PLXDC2: variants seen among roughly 807,000 people sequenced by gnomAD.
PLXDC2 encodes the protein plexin domain-containing protein 2.
PLXDC2 carries 40 observed loss-of-function variants against 68.9 expected under a neutral mutation model. The observed-to-expected ratio is 0.58, with a 90% CI of 0.45 to 0.76. PLXDC2 has a LOEUF of 0.76. PLXDC2 is among the 30% of genes least tolerant of loss of function. The probability of loss-of-function intolerance (pLI) is 0.00; values close to 1 mark genes in which losing one functional copy is unlikely to be tolerated. For missense variants in PLXDC2, 644 were observed against 661.9 expected, an observed-to-expected ratio of 0.97 and a Z score of 0.30; for synonymous variants, 243 against 234.2, an observed-to-expected ratio of 1.04 and a Z score of -0.34.
At chr10:20,225,754 C>G (rs1486361877) in intron 12 of PLXDC2, among the ~76,000 whole-genome samples, 1 of 152,160 alleles carries the variant, frequency 6.6e-6, no homozygotes, top group Non-Finnish European at 1.5e-5. Flanking sequence ...AATTTCTACA[C>G]TCAAACTATT....
At chr10:20,167,389 A>G (rs1589662399) in intron 7 of PLXDC2, among the ~76,000 whole-genome samples, 1 of 152,162 alleles carries the variant, frequency 6.6e-6, no homozygotes, top group Non-Finnish European at 1.5e-5. Flanking sequence ...TTATACAAGT[A>G]CAGTTCTTTT....
chr10:20,043,912 C>G (rs78958039), intron 2 of PLXDC2, among the ~76,000 whole-genome samples: 2,700 of 152,050 alleles, frequency 0.018, 78 homozygotes, highest in African/African-American at 0.061. Flanking sequence ...TGGCCTTGTT[C>G]AAAGTTGCTT....
At chr10:20,132,575 A>G (rs1393127968) in intron 4 of PLXDC2, among the ~76,000 whole-genome samples, 5 of 151,762 alleles carry the variant, frequency 3.3e-5, no homozygotes, top group Admixed American at 3.3e-4. Flanking sequence ...CTTTTGATGA[A>G]TTGATATCTT....
At chr10:20,161,032 CA>C (rs1564337454) in intron 6 of PLXDC2, among the ~76,000 whole-genome samples, 6 of 152,116 alleles carry the variant, frequency 3.9e-5, no homozygotes, top group Admixed American at 2.6e-4. Flanking sequence ...TTAGGATGAG[CA>C]ATACTACCTC....
At chr10:19,925,698 G>T (rs1176839080) in intron 1 of PLXDC2, among the ~76,000 whole-genome samples, 1 of 152,182 alleles carries the variant, frequency 6.6e-6, no homozygotes, top group Admixed American at 6.5e-5. Context: ...GGACTGCTAT[G>T]GGGTGACAGA....
At chr10:20,234,857 C>A (rs559534679) in intron 12 of PLXDC2, among the ~76,000 whole-genome samples, 2 of 152,102 alleles carry the variant, frequency 1.3e-5, no homozygotes, top group Non-Finnish European at 2.9e-5. Context: ...CACTCACACA[C>A]AGGCTAAATG....
At position 19,934,026 on chromosome 10, in the gene PLXDC2, A is replaced by G. The variant is rs938346682; in HGVS notation, c.113-67749A>G. Among the ~76,000 whole-genome samples, 3 of 152,182 alleles carry G rather than the reference A, an allele frequency of 2.0e-5. No individual in the cohort carries two copies. The South Asian group carries it at 6.2e-4, about 32-fold the overall frequency. On this transcript the variant is annotated intron_variant, in intron 1 of 13. Coordinates refer to ENST00000377252, the MANE Select transcript of PLXDC2 (RefSeq NM_032812.9). ...TGTAGAATATTAAATAATAATTGCA[A>G]AGTCCTATTAATCTCTCTCATTCCT...
intron 1 of PLXDC2, among the ~76,000 whole-genome samples, chr10:19,849,935 T>C (rs1837083301): frequency 6.6e-6 from 1 of 152,202 alleles, no homozygotes; most frequent in Non-Finnish European, 1.5e-5. Flanking sequence ...GCTTCACCTG[T>C]GGTGTGGGCT....
intron 9 of PLXDC2, among the ~76,000 whole-genome samples, chr10:20,210,705 T>C (rs1327376378): frequency 2.0e-5 from 3 of 152,000 alleles, no homozygotes; most frequent in Admixed American, 6.6e-5. Context: ...AAGAGATGAG[T>C]TAAAATCAGC....
intron 9 of PLXDC2, among the ~76,000 whole-genome samples, chr10:20,193,477 G>A (rs1834795696): frequency 6.6e-6 from 1 of 152,086 alleles, no homozygotes; most frequent in African/African-American, 2.4e-5. Flanking sequence ...AAGTCAGACT[G>A]ATAGAATAGT....
chr10:19,857,825 A>G (rs1837243853), intron 1 of PLXDC2, among the ~76,000 whole-genome samples: 1 of 152,168 alleles, frequency 6.6e-6, no homozygotes, highest in Non-Finnish European at 1.5e-5. Flanking sequence ...AAGAAATCTT[A>G]TTTACCCAAT....
intron 4 of PLXDC2, among the ~76,000 whole-genome samples, chr10:20,089,169 CGTGTGTGT>C (rs34167804): frequency 0.081 from 11,555 of 142,624 alleles, 454 homozygotes; most frequent in Middle Eastern, 0.12. Flanking sequence ...CCTGTATATA[CGTGTGTGT>C]GTGTGTGTGT....
At chr10:20,160,950 C>G (rs1415170958) in intron 6 of PLXDC2, among the ~76,000 whole-genome samples, 1 of 152,088 alleles carries the variant, frequency 6.6e-6, no homozygotes, top group Non-Finnish European at 1.5e-5. Flanking sequence ...GATCATGCCA[C>G]TGCACTCCAG....
At chr10:19,868,095 T>G (rs927547981) in intron 1 of PLXDC2, among the ~76,000 whole-genome samples, 13 of 152,186 alleles carry the variant, frequency 8.5e-5, no homozygotes, top group African/African-American at 3.1e-4. Flanking sequence ...TTTATATTTT[T>G]TGAATTGAAT....
intron 1 of PLXDC2, among the ~76,000 whole-genome samples, chr10:19,892,009 C>G (rs1837972172): frequency 6.6e-6 from 1 of 152,084 alleles, no homozygotes; most frequent in African/African-American, 2.4e-5. Flanking sequence ...AGAGACACTA[C>G]TTTTCATTAA....
intron 2 of PLXDC2, among the ~76,000 whole-genome samples, chr10:20,019,665 G>A (rs745567213): frequency 3.3e-5 from 5 of 152,280 alleles, no homozygotes; most frequent in Non-Finnish European, 5.9e-5. Context: ...GCCATGTGAG[G>A]ACACAGTGGG....
rs376829237 is a variant in PLXDC2, at chr10:20,083,476, C to CAAA, written c.541+15253_541+15255dup. Among the ~76,000 whole-genome samples, 496 of 121,310 alleles carry CAAA rather than the reference C, an allele frequency of 4.1e-3. 7 individuals are homozygous for CAAA. Among genetic ancestry groups the CAAA allele is most frequent in the Admixed American group, 8.4e-3 (98 of 11,670 alleles). The allele number at this position is 121,310 out of a possible 152,430, so 79.6% of individuals were successfully genotyped here. A position where few individuals can be genotyped will look rare whatever the true frequency, so the allele number is the denominator to read the frequency against. ...TGGGCAACAGAGCGAGACTCCGTCT[C>CAAA]AAAAAAAAAAAAAAAAAATTACTAT... On this transcript the variant is annotated intron_variant, in intron 4 of 13. Transcript: ENST00000377252.
At chr10:19,826,434 T>G (rs969590694) in intron 1 of PLXDC2, among the ~76,000 whole-genome samples, 2 of 152,180 alleles carry the variant, frequency 1.3e-5, no homozygotes, top group African/African-American at 4.8e-5. Flanking sequence ...TGGTGCTTGT[T>G]TGGAGCAGAA....
At chr10:19,824,570 G>T (rs1836537813) in intron 1 of PLXDC2, among the ~76,000 whole-genome samples, 1 of 152,120 alleles carries the variant, frequency 6.6e-6, no homozygotes, top group African/African-American at 2.4e-5. Flanking sequence ...ATTCTGAGAG[G>T]TCTTTCTTCA....
Sources: allele counts gnomAD v4.1 joint callset (sites outside exome capture counted in the v4.1 genomes callset), GRCh38; gene constraint gnomAD v4.1.1; transcripts MANE v1.5; gene names NCBI Gene and HGNC (gene_info 2026-07-23, HGNC 2026-07-21).